The following DMD variants were observed in gnomAD, a reference collection of about 807,000 sequenced individuals.
DMD encodes dystrophin.
In DMD, 63 loss-of-function variants were observed where a neutral mutation model predicts 330.1. That is an observed-to-expected ratio of 0.19 (90% CI 0.16 to 0.24). The LOEUF is 0.24. DMD is among the 10% of genes least tolerant of loss of function. The pLI is 1.00. For missense variants in DMD, 3,344 were observed against 2,684.1 expected (o/e 1.25, Z -5.43); for synonymous variants, 1,223 against 959.8 (o/e 1.27, Z -5.07).
chrX:32,822,749 T>C (rs1466093412), intron 5 of DMD, among the ~76,000 whole-genome samples: 1 of 110,576 alleles, frequency 9.0e-6, no homozygotes, highest in African/African-American at 3.3e-5. Flanking sequence ...TTTCCACAAA[T>C]CCTTCAACCC....
intron 1 of DMD, among the ~76,000 whole-genome samples, chrX:33,062,782 A>G (rs1299458797): frequency 8.9e-6 from 1 of 112,690 alleles, no homozygotes; most frequent in Admixed American, 9.4e-5. Context: ...TGGCTATTCT[A>G]CAATTTTTAG....
intron 2 of DMD, among the ~76,000 whole-genome samples, chrX:32,899,691 A>G (rs2149292385): frequency 9.2e-6 from 1 of 108,796 alleles, no homozygotes; most frequent in East Asian, 2.9e-4. Context: ...AAAAAAAAAG[A>G]AAGAAAAAGA....
At chrX:32,812,632 C>CA (rs965987578) in intron 6 of DMD, among the ~76,000 whole-genome samples, 5 of 111,873 alleles carry the variant, frequency 4.5e-5, no homozygotes, top group African/African-American at 9.7e-5. Context: ...GACTCCGTCT[C>CA]AAAAAAATAC....
intron 41 of DMD, among the ~76,000 whole-genome samples, chrX:32,333,261 T>A (rs1352255005): frequency 8.9e-6 from 1 of 111,914 alleles, no homozygotes; most frequent in Non-Finnish European, 1.9e-5. Flanking sequence ...TAAAGACCAA[T>A]CTTGACGTCC....
chrX:31,265,903 A>G (rs1269662810), intron 62 of DMD, among the ~76,000 whole-genome samples: 1 of 108,444 alleles, frequency 9.2e-6, no homozygotes, highest in Non-Finnish European at 1.9e-5. Context: ...AAAGTTCACC[A>G]CTTAAATCGG....
At chrX:33,254,823 A>G (rs1389392053) in intron 1 of DMD, among the ~76,000 whole-genome samples, 1 of 110,484 alleles carries the variant, frequency 9.1e-6, no homozygotes, top group Non-Finnish European at 1.9e-5. Context: ...TTCTTATTGC[A>G]AAATGTGATG....
intron 12 of DMD, among the ~76,000 whole-genome samples, chrX:32,599,807 CACTT>C (rs1317146948): frequency 3.6e-5 from 4 of 111,786 alleles, no homozygotes; most frequent in Non-Finnish European, 7.5e-5. Flanking sequence ...GCTTTTGTAA[CACTT>C]ACCAGATTTC....
At chrX:32,499,813 A>C (rs2043861784) in intron 19 of DMD, among the ~76,000 whole-genome samples, 1 of 111,350 alleles carries the variant, frequency 9.0e-6, no homozygotes, top group African/African-American at 3.3e-5. Flanking sequence ...CTGAAGGGGT[A>C]CTTCAGGCAC....
intron 9 of DMD, among the ~76,000 whole-genome samples, chrX:32,685,481 T>C (rs1201855697): frequency 8.9e-6 from 1 of 111,790 alleles, no homozygotes; most frequent in African/African-American, 3.2e-5. Flanking sequence ...TTGGGACATG[T>C]TATAATGAAG....
intron 2 of DMD, among the ~76,000 whole-genome samples, chrX:32,874,606 A>T (rs1030243391): frequency 5.4e-5 from 6 of 111,704 alleles, no homozygotes; most frequent in African/African-American, 2.0e-4. Flanking sequence ...AAATTATTTG[A>T]CACTTCTTTC....
intron 1 of DMD, among the ~76,000 whole-genome samples, chrX:33,296,136 C>T (rs974731716): frequency 3.6e-5 from 4 of 111,093 alleles, no homozygotes; most frequent in African/African-American, 1.3e-4. Context: ...TTATCCATGT[C>T]TTTCATAGCT....
intron 43 of DMD, among the ~76,000 whole-genome samples, chrX:32,273,967 C>T (rs1716026759): frequency 8.9e-6 from 1 of 111,881 alleles, no homozygotes; most frequent in African/African-American, 3.2e-5. Context: ...GGGAAAAGTA[C>T]ATTTAGCACA....
At chrX:32,296,210 G>A (rs1322097466) in intron 42 of DMD, among the ~76,000 whole-genome samples, 1 of 110,012 alleles carries the variant, frequency 9.1e-6, no homozygotes, top group African/African-American at 3.3e-5. Context: ...TGACCAACAT[G>A]TGAAACCCTG....
At chrX:31,295,142 T>C (rs989294553) in intron 62 of DMD, among the ~76,000 whole-genome samples, 7 of 108,241 alleles carry the variant, frequency 6.5e-5, no homozygotes, top group Non-Finnish European at 1.3e-4. Flanking sequence ...ACTACAGGCG[T>C]CCACCACCAC....
intron 2 of DMD, among the ~76,000 whole-genome samples, chrX:33,010,268 G>T (rs776709843): frequency 1.9e-5 from 2 of 107,788 alleles, no homozygotes; most frequent in South Asian, 7.8e-4. Flanking sequence ...ACAAATATGT[G>T]TGTATATGTA....
chrX:32,146,530 T>C (rs902178755), intron 44 of DMD, among the ~76,000 whole-genome samples: 5 of 111,915 alleles, frequency 4.5e-5, no homozygotes, highest in African/African-American at 1.6e-4. Context: ...TTAGAAGATA[T>C]AAAATAGGAT....
intron 2 of DMD, among the ~76,000 whole-genome samples, chrX:32,860,934 A>C (rs2082030661): frequency 8.9e-6 from 1 of 111,770 alleles, no homozygotes; most frequent in Non-Finnish European, 1.9e-5. Context: ...CATTAGATTT[A>C]TGCAGAGGGA....
rs375745628 is a variant in DMD, at chrX:31,697,121, T to C, written c.7661-17535A>G. ...GTCTGACATCATATAGACCTGGTAATTGTCCATAACTGAGCATCAATTTAT... is the reference window on the plus strand; with the variant it reads ...GTCTGACATCATATAGACCTGGTAACTGTCCATAACTGAGCATCAATTTAT... On this transcript the variant is annotated intron_variant, in intron 52 of 78. Transcript: ENST00000357033. Among the ~76,000 whole-genome samples the C allele has an allele frequency of 3.8e-4, 43 of 111,872 alleles. No homozygotes were observed. The East Asian group carries it at 5.3e-3, about 14-fold the overall frequency.
Position 31,154,449 on chromosome X carries a change from C to T in DMD, c.10554-6931G>A, listed in dbSNP as rs776036237. ...CTGGGACTACAGGTGCCCGCCACCACGCCCGGCTTTTTTTTTTTGTATTTT... is the reference window on the plus strand; with the variant it reads ...CTGGGACTACAGGTGCCCGCCACCATGCCCGGCTTTTTTTTTTTGTATTTT... On this transcript the variant is annotated intron_variant, in intron 74 of 78. Transcript: ENST00000357033. Among the ~76,000 whole-genome samples, 20 of 106,427 alleles carry T rather than the reference C, an allele frequency of 1.9e-4. No individual in the cohort carries two copies. In the East Asian group the frequency reaches 3.6e-3, roughly 19 times the overall value. 92.4% of individuals were successfully genotyped at this position (106,427 alleles called of 115,157 possible). A position where few individuals can be genotyped will look rare whatever the true frequency, so the allele number is the denominator to read the frequency against.
Sources: allele counts gnomAD v4.1 joint callset (sites outside exome capture counted in the v4.1 genomes callset), GRCh38; gene constraint gnomAD v4.1.1; transcripts MANE v1.5; gene names NCBI Gene and HGNC (gene_info 2026-07-23, HGNC 2026-07-21).